PARD3B: variants seen among roughly 807,000 people sequenced by gnomAD.
PARD3B encodes the protein partitioning defective 3 homolog B.
Under a neutral mutation model 130.2 loss-of-function variants are expected in PARD3B, and 103 were observed. The observed-to-expected ratio is 0.79, with a 90% CI of 0.67 to 0.93. The LOEUF is 0.93. PARD3B is among the 40% of genes least tolerant of loss of function. The probability of loss-of-function intolerance (pLI) is 0.00; values close to 1 mark genes in which losing one functional copy is unlikely to be tolerated. For synonymous variants in PARD3B, 583 were observed against 553.2 expected, an observed-to-expected ratio of 1.05 and a Z score of -0.76; for missense variants, 1,609 against 1,499.2, an observed-to-expected ratio of 1.07 and a Z score of -1.21.
intron 16 of PARD3B, among the ~76,000 whole-genome samples, chr2:205,283,292 T>G (rs995237027): frequency 1.3e-5 from 2 of 152,174 alleles, no homozygotes; most frequent in African/African-American, 4.8e-5. Flanking sequence ...CTTTTTTTGT[T>G]TGTTTGTTTT....
At chr2:205,170,198 G>C (rs2035075289) in intron 11 of PARD3B, among the ~76,000 whole-genome samples, 1 of 152,156 alleles carries the variant, frequency 6.6e-6, no homozygotes, top group Admixed American at 6.5e-5. Context: ...CCAGAGTGCT[G>C]GGGTTACAGG....
intron 1 of PARD3B, among the ~76,000 whole-genome samples, chr2:204,680,305 G>A (rs569132105): frequency 6.6e-6 from 1 of 151,952 alleles, no homozygotes; most frequent in Non-Finnish European, 1.5e-5. Flanking sequence ...CCATTTTGTT[G>A]TATTTTTCGA....
intron 1 of PARD3B, among the ~76,000 whole-genome samples, chr2:204,615,401 C>T (rs1194512250): frequency 6.6e-6 from 1 of 152,170 alleles, no homozygotes; most frequent in East Asian, 1.9e-4. Flanking sequence ...TTATAACACA[C>T]ATTGGTCATT....
In PARD3B at chr2:205,473,654, A is replaced by ATGTGTG. The variant is rs751534704; in HGVS notation, c.3045-26220_3045-26215dup. 9.5e-4 allele frequency among the ~76,000 whole-genome samples: 118 copies of ATGTGTG among 123,654 alleles called. No homozygotes were observed. Among genetic ancestry groups the ATGTGTG allele is most frequent in the African/African-American group, 3.8e-3 (107 of 28,294 alleles). 81.1% of individuals were successfully genotyped at this position (123,654 alleles called of 152,430 possible). ...TGTTTCCCAATATAAGGTTATATAT[A>ATGTGTG]TGTGTGTGTGTGTGTGTGTGTGTGT... On this transcript the variant is annotated intron_variant, in intron 20 of 22. Transcript: ENST00000406610. This position sits in a 1 kb window ranked among gnomAD's most constrained non-coding sequence, Gnocchi z 4.9.
intron 19 of PARD3B, among the ~76,000 whole-genome samples, chr2:205,410,931 T>C (rs2046575258): frequency 6.6e-6 from 1 of 152,118 alleles, no homozygotes; most frequent in South Asian, 2.1e-4. Context: ...ACCCTTCACA[T>C]AGAAATACTA....
At chr2:205,113,303 C>T (rs1050894143) in intron 5 of PARD3B, among the ~76,000 whole-genome samples, 188 bp from the exon 6 acceptor site, 16 of 151,966 alleles carry the variant, frequency 1.1e-4, no homozygotes, top group African/African-American at 3.9e-4. Context: ...GACTTTTAAA[C>T]ATTTTGTTTT....
chr2:205,305,007 T>G (rs902686996), intron 18 of PARD3B, among the ~76,000 whole-genome samples: 1 of 152,192 alleles, frequency 6.6e-6, no homozygotes, highest in African/African-American at 2.4e-5. Flanking sequence ...TGAATTGGAT[T>G]TTATTAGTGA....
In PARD3B at chr2:205,299,627, G is replaced by C. The variant is rs570487594; in HGVS notation, c.2186-903G>C. Among the ~76,000 whole-genome samples, 14 of 99,436 alleles carry C rather than the reference G, an allele frequency of 1.4e-4. No individual in the cohort carries two copies. In the South Asian group the frequency reaches 3.8e-3, roughly 27 times the overall value. 65.2% of individuals were successfully genotyped at this position (99,436 alleles called of 152,430 possible). A position where few individuals can be genotyped will look rare whatever the true frequency, so the allele number is the denominator to read the frequency against. On this transcript the variant is annotated intron_variant, in intron 16 of 22. Transcript: ENST00000406610. ...ATTTATATAACCTAATCCTGTTATTGATAATTGAGAGACTAGCTGGGGGTG... is the reference window on the plus strand; with the variant it reads ...ATTTATATAACCTAATCCTGTTATTCATAATTGAGAGACTAGCTGGGGGTG...
intron 15 of PARD3B, among the ~76,000 whole-genome samples, chr2:205,207,596 A>G (rs377428037): frequency 0.012 from 1,548 of 125,408 alleles, 32 homozygotes; most frequent in African/African-American, 0.026. Flanking sequence ...ACACCTCTAC[A>G]CAAATAAACT....
intron 16 of PARD3B, among the ~76,000 whole-genome samples, chr2:205,275,342 G>T (rs923975926): frequency 6.6e-6 from 1 of 152,086 alleles, no homozygotes; most frequent in African/African-American, 2.4e-5. Flanking sequence ...ATTCTTATGA[G>T]GTCATGAATT....
At chr2:204,994,838 C>T (rs938393336) in intron 3 of PARD3B, among the ~76,000 whole-genome samples, 3 of 151,304 alleles carry the variant, frequency 2.0e-5, no homozygotes, top group Non-Finnish European at 2.9e-5. Context: ...TATGTAATGG[C>T]CTTCTTTGTC....
At chr2:205,425,499 T>C (rs1410987854) in intron 19 of PARD3B, among the ~76,000 whole-genome samples, 1 of 149,320 alleles carries the variant, frequency 6.7e-6, no homozygotes, top group East Asian at 2.0e-4. Flanking sequence ...ATGCAACTCG[T>C]AGGTAGGAAT....
chr2:204,803,944 A>C (rs529252569), intron 2 of PARD3B, among the ~76,000 whole-genome samples: 1 of 152,132 alleles, frequency 6.6e-6, no homozygotes, highest in African/African-American at 2.4e-5. Context: ...AGTTGTGGCC[A>C]GCGAGATAGC....
rs2046395759 is a variant in PARD3B, at chr2:204,890,134, A to T, written c.223-75018A>T. Among the ~76,000 whole-genome samples, 1 of 152,222 alleles carries T rather than the reference A, an allele frequency of 6.6e-6. No individual in the cohort carries two copies. Among genetic ancestry groups the T allele is most frequent in the Non-Finnish European group, 1.5e-5 (1 of 68,038 alleles). Reference sequence around the variant, plus strand: ...GCTTTGCCTTCTCCGCCTTCTCCGCATGCCAGCAGGAGCACTCACCACACT... The same window carrying T: ...GCTTTGCCTTCTCCGCCTTCTCCGCTTGCCAGCAGGAGCACTCACCACACT... On this transcript the variant is annotated intron_variant, in intron 2 of 22. Transcript: ENST00000406610. This position sits in a 1 kb window ranked among gnomAD's most constrained non-coding sequence, Gnocchi z 4.9.
intron 4 of PARD3B, among the ~76,000 whole-genome samples, chr2:205,086,460 C>T (rs1167301569): frequency 6.6e-6 from 1 of 152,110 alleles, no homozygotes; most frequent in Non-Finnish European, 1.5e-5. Context: ...TTTCCTAAGT[C>T]CAAAGGCATC....
intron 18 of PARD3B, among the ~76,000 whole-genome samples, chr2:205,304,443 T>C (rs2336419): frequency 0.6 from 90,927 of 151,650 alleles, 29,200 homozygotes; most frequent in South Asian, 0.75. Flanking sequence ...CGAGACCAGC[T>C]TGACTAACAT....
At chr2:204,563,985 A>G (rs1470566281) in intron 1 of PARD3B, among the ~76,000 whole-genome samples, 2 of 152,146 alleles carry the variant, frequency 1.3e-5, no homozygotes, top group Admixed American at 1.3e-4. Context: ...CGTGTTAGCC[A>G]GGATGGTCTC....
At chr2:205,398,776 G>A (rs2046129830) in intron 18 of PARD3B, among the ~76,000 whole-genome samples, 2 of 152,094 alleles carry the variant, frequency 1.3e-5, no homozygotes, top group African/African-American at 2.4e-5. Flanking sequence ...GCAAATAGAT[G>A]CCCATTGCTA....
At chr2:204,721,940 C>T (rs2039015804) in intron 2 of PARD3B, among the ~76,000 whole-genome samples, 1 of 152,084 alleles carries the variant, frequency 6.6e-6, no homozygotes, top group African/African-American at 2.4e-5. Flanking sequence ...CATGCAGAGG[C>T]ACTTTGTAAA....
Sources: gnomAD v4.1 joint callset for allele counts (sites outside exome capture counted in the v4.1 genomes callset) on GRCh38, gnomAD v4.1.1 for gene constraint, Gnocchi (gnomAD v3.1) non-coding constraint, MANE v1.5 for transcripts, NCBI Gene and HGNC (gene_info 2026-07-23, HGNC 2026-07-21) for gene names.